CCDC192: variants seen among roughly 807,000 people sequenced by gnomAD.
CCDC192 encodes the protein coiled-coil domain-containing protein 192.
At chr5:127,803,052 C>T (rs1757594273) in intron 5 of CCDC192, among the ~76,000 whole-genome samples, 1 of 151,946 alleles carries the variant, frequency 6.6e-6, no homozygotes, top group African/African-American at 2.4e-5. Flanking sequence ...TCCTATTTCA[C>T]GTGAAATAAA....
chr5:127,900,136 C>CTTA (rs1393316257), intron 6 of CCDC192, among the ~76,000 whole-genome samples: 1 of 152,064 alleles, frequency 6.6e-6, no homozygotes, highest in Non-Finnish European at 1.5e-5. Context: ...CTTTGCTAAC[C>CTTA]CTAGTATTTG....
At chr5:127,707,644 G>A (rs1463125182) in intron 1 of CCDC192, 65 bp from the exon 2 acceptor site, 1 of 396,664 alleles carries the variant, frequency 2.5e-6, no homozygotes, top group African/African-American at 2.1e-5. Flanking sequence ...ATGTGCGGGG[G>A]TGTGTGTGCG....
At chr5:127,884,342 C>CAAAAAAA (rs778430655) in intron 6 of CCDC192, among the ~76,000 whole-genome samples, 133 of 11,790 alleles carry the variant, frequency 0.011, 2 homozygotes, top group East Asian at 0.023. Flanking sequence ...GACTCCGTCT[C>CAAAAAAA]AAAAAAAAAA....
chr5:127,821,246 C>T (rs1234223559), intron 5 of CCDC192, among the ~76,000 whole-genome samples: 1 of 152,236 alleles, frequency 6.6e-6, no homozygotes, highest in Non-Finnish European at 1.5e-5. Context: ...AACCAGTTCA[C>T]ATTTCCTGAA....
intron 6 of CCDC192, among the ~76,000 whole-genome samples, chr5:127,911,910 A>G (rs1753368053): frequency 6.6e-6 from 1 of 151,120 alleles, no homozygotes; most frequent in Non-Finnish European, 1.5e-5. Flanking sequence ...TTACTCACAT[A>G]TCTCCCACCT....
chr5:127,711,207 G>T (rs1037304682), intron 2 of CCDC192, among the ~76,000 whole-genome samples: 17 of 152,118 alleles, frequency 1.1e-4, no homozygotes, highest in African/African-American at 3.9e-4. Flanking sequence ...AAGGCTATGG[G>T]TATGAATTCA....
intron 3 of CCDC192, among the ~76,000 whole-genome samples, chr5:127,790,917 C>A (rs1172709381): frequency 6.6e-6 from 1 of 152,122 alleles, no homozygotes; most frequent in Non-Finnish European, 1.5e-5. Context: ...AAAGCTCAGG[C>A]TAATTTAGTT....
intron 3 of CCDC192, among the ~76,000 whole-genome samples, chr5:127,780,172 C>CATATAT (rs150332725): frequency 6.6e-6 from 1 of 150,828 alleles, no homozygotes; most frequent in African/African-American, 2.4e-5. Flanking sequence ...TACGCACACA[C>CATATAT]ATATATATAT....
chr5:127,935,985 T>A (rs1178259780), intron 6 of CCDC192, among the ~76,000 whole-genome samples: 1 of 152,076 alleles, frequency 6.6e-6, no homozygotes, highest in Non-Finnish European at 1.5e-5. Flanking sequence ...ATGCCTGTAA[T>A]CCCAGCTACT....
At chr5:127,894,427 G>A (rs1478228071) in intron 6 of CCDC192, among the ~76,000 whole-genome samples, 1 of 151,880 alleles carries the variant, frequency 6.6e-6, no homozygotes, top group Non-Finnish European at 1.5e-5. Context: ...TCCTGACCTC[G>A]TGATCCACCC....
At chr5:127,762,194 A>G (rs867847908) in intron 3 of CCDC192, among the ~76,000 whole-genome samples, 11 of 152,334 alleles carry the variant, frequency 7.2e-5, no homozygotes, top group South Asian at 4.2e-4. Flanking sequence ...ATCTGAAATC[A>G]TGAGTTTTGT....
intron 3 of CCDC192, among the ~76,000 whole-genome samples, chr5:127,787,983 G>A (rs1168291471): frequency 6.6e-6 from 1 of 150,888 alleles, no homozygotes; most frequent in Non-Finnish European, 1.5e-5. Flanking sequence ...TTGGAAGGCT[G>A]AGGCAGGAGA....
At chr5:127,935,902 C>G (rs184027295) in intron 6 of CCDC192, among the ~76,000 whole-genome samples, 114 of 152,148 alleles carry the variant, frequency 7.5e-4, no homozygotes, top group South Asian at 2.5e-3. Context: ...GTTGGGAGTT[C>G]GAGACCACCC....
chr5:127,763,999 C>T (rs148626910), intron 3 of CCDC192, among the ~76,000 whole-genome samples: 107 of 152,260 alleles, frequency 7.0e-4, no homozygotes, highest in African/African-American at 2.4e-3. Context: ...CACCTCCCGC[C>T]GATAATAATT....
At chr5:127,764,462 A>C (rs140025705) in intron 3 of CCDC192, among the ~76,000 whole-genome samples, 1 of 152,318 alleles carries the variant, frequency 6.6e-6, no homozygotes, top group Non-Finnish European at 1.5e-5. Context: ...CAACTATCTT[A>C]TGTTAGAATC....
At chr5:127,803,937 A>G (rs187063712) in intron 5 of CCDC192, among the ~76,000 whole-genome samples, 6 of 152,332 alleles carry the variant, frequency 3.9e-5, no homozygotes, top group Non-Finnish European at 7.4e-5. Context: ...CAGCATGCTT[A>G]AAAGTGTAGG....
chr5:127,708,472 C>T (rs1479236452), intron 2 of CCDC192, among the ~76,000 whole-genome samples: 5 of 152,176 alleles, frequency 3.3e-5, no homozygotes, highest in African/African-American at 9.6e-5. Flanking sequence ...TTCCCTCAAT[C>T]TCCTTTGATT....
At chr5:127,862,491 AAC>A (rs1043016528) in intron 5 of CCDC192, among the ~76,000 whole-genome samples, 1 of 152,258 alleles carries the variant, frequency 6.6e-6, no homozygotes, top group Non-Finnish European at 1.5e-5. Flanking sequence ...TATCAGAACC[AAC>A]CAGAAAGCCT....
chr5:127,796,427 A>G (rs1201480837), intron 3 of CCDC192, among the ~76,000 whole-genome samples: 1 of 152,192 alleles, frequency 6.6e-6, no homozygotes, highest in Non-Finnish European at 1.5e-5. Flanking sequence ...GAGAAAAAGC[A>G]CAATAGCTGT....
Sources: gnomAD v4.1 joint callset for allele counts (sites outside exome capture counted in the v4.1 genomes callset) on GRCh38, gnomAD v4.1.1 for gene constraint, MANE v1.5 for transcripts, NCBI Gene and HGNC (gene_info 2026-07-23, HGNC 2026-07-21) for gene names.